The following ZNF695 variants were observed in gnomAD, a reference collection of about 807,000 sequenced individuals.
ZNF695 encodes the protein zinc finger protein 695.
ZNF695 carries 11 observed loss-of-function variants against 11.2 expected under a neutral mutation model. The ratio of observed to expected loss-of-function variants is 0.98; its 90% CI spans 0.62 to 1.62. The LOEUF (loss-of-function observed/expected upper bound fraction) is 1.62, where lower values mean the gene tolerates loss of function less well. ZNF695 is among the 40% of genes most tolerant of loss of function. The pLI, the probability that ZNF695 is intolerant of heterozygous loss-of-function variation, is 0.00. For missense variants in ZNF695, 559 were observed against 590.5 expected, an observed-to-expected ratio of 0.95 and a Z score of 0.55; for synonymous variants, 190 against 201.4, an observed-to-expected ratio of 0.94 and a Z score of 0.48.
chr1:247,006,456 C>T (rs1669543665), intron 1 of ZNF695, among the ~76,000 whole-genome samples: 1 of 151,820 alleles, frequency 6.6e-6, no homozygotes, highest in Admixed American at 6.6e-5. Flanking sequence ...ACTAAAAATA[C>T]AAAAATTAGC....
intron 3 of ZNF695, 38 bp downstream of exon 3, chr1:246,999,309 CA>C (rs1558320306): frequency 1.3e-6 from 2 of 1,522,476 alleles, no homozygotes; most frequent in East Asian, 4.5e-5. Flanking sequence ...CTTGATCCTT[CA>C]ACCCCTACCT....
intron 4 of ZNF695, among the ~76,000 whole-genome samples, chr1:246,977,397 C>G (rs990152068): frequency 6.6e-6 from 1 of 152,188 alleles, no homozygotes; most frequent in Non-Finnish European, 1.5e-5. Flanking sequence ...GCTGAGACTA[C>G]GGGTGCCCGC....
chr1:246,994,497 C>A (rs1480110826), intron 3 of ZNF695, among the ~76,000 whole-genome samples: 2 of 151,290 alleles, frequency 1.3e-5, no homozygotes, highest in African/African-American at 4.9e-5. Context: ...GCCGAGATCA[C>A]GCCACTCCAC....
chr1:247,007,024 C>G (rs1179044338), intron 1 of ZNF695, among the ~76,000 whole-genome samples: 1 of 152,146 alleles, frequency 6.6e-6, no homozygotes, highest in Non-Finnish European at 1.5e-5. Flanking sequence ...CCTGGACAGT[C>G]CAAATAAGGT....
chr1:246,946,460 A>G (rs1667738088), intron 5 of ZNF695, among the ~76,000 whole-genome samples: 1 of 152,092 alleles, frequency 6.6e-6, no homozygotes, highest in African/African-American at 2.4e-5. Context: ...TCGGACTTTT[A>G]CTTATTTCCT....
intron 5 of ZNF695, among the ~76,000 whole-genome samples, chr1:246,951,309 C>T (rs1314269671): frequency 6.6e-6 from 1 of 152,062 alleles, no homozygotes. Flanking sequence ...TTAATTAAGT[C>T]GTCATGCTGG....
chr1:246,999,356 C>T lies in ZNF695; in HGVS notation c.251G>A (p.Arg84Lys), dbSNP rs2642973. The T allele has an allele frequency of 0.82, 1,325,629 of 1,612,322 alleles. 547,999 individuals are homozygous for T. The highest frequency in any genetic ancestry group is 0.98 in the East Asian group (43,785 of 44,864). Residue 84 changes from arginine to lysine, a missense_variant, in exon 3 of 4, where the codon AGA (arginine) becomes AAA (lysine). Arg to Lys is a conservative substitution (Grantham distance 26, BLOSUM62 2). Transcript: ENST00000339986. ...PWNVNTEKTA[R>K]HSVLSSYLTE... The stretch of plus-strand genomic sequence containing the variant: ...CATTCACTCCCACCTACCTGAGTGT[C>T]TGGCTGTCTTCTCTGTGTTCACGTT...
intron 3 of ZNF695, among the ~76,000 whole-genome samples, chr1:246,990,193 AAG>A (rs1214701832): frequency 5.0e-5 from 2 of 39,720 alleles, no homozygotes; most frequent in Non-Finnish European, 1.2e-4. Flanking sequence ...AAGGAAGGAA[AAG>A]AGAAAGAGAG....
At chr1:246,963,003 G>A (rs1668201066) in intron 5 of ZNF695, among the ~76,000 whole-genome samples, 1 of 152,122 alleles carries the variant, frequency 6.6e-6, no homozygotes, top group African/African-American at 2.4e-5. Context: ...ATTCCTCGCT[G>A]CCTTTAGGCT....
chr1:246,966,184 T>G (rs1013999216), intron 5 of ZNF695, among the ~76,000 whole-genome samples: 1 of 151,862 alleles, frequency 6.6e-6, no homozygotes, highest in Non-Finnish European at 1.5e-5. Context: ...AGTGAGCAAG[T>G]GAGAGAATAA....
chr1:246,982,632 C>T (rs1373396196), downstream of ZNF695, among the ~76,000 whole-genome samples: 1 of 152,180 alleles, frequency 6.6e-6, no homozygotes, highest in Non-Finnish European at 1.5e-5. Flanking sequence ...GCTAACTGCC[C>T]GATTTAATTC....
chr1:247,007,747 G>A (rs544918091), intron 1 of ZNF695, among the ~76,000 whole-genome samples, 159 bp downstream of exon 1: 1 of 152,170 alleles, frequency 6.6e-6, no homozygotes, highest in East Asian at 2.0e-4. Context: ...CACCTGCGCG[G>A]GACGGGACTG....
In ZNF695 at chr1:246,986,699, A is replaced by T; in HGVS notation, c.*268T>A. 1 of 1,134,496 alleles carries T rather than the reference A, an allele frequency of 8.8e-7. No homozygotes were observed. The highest frequency in any genetic ancestry group is 1.1e-6 in the Non-Finnish European group (1 of 925,506). The allele number at this position is 1,134,496 out of a possible 1,614,324, so 70.3% of individuals were successfully genotyped here. On this transcript the variant is annotated 3_prime_UTR_variant, in exon 4 of 4. Coordinates refer to ENST00000339986, the MANE Select transcript of ZNF695 (RefSeq NM_020394.5). ...TCCAATACAAAGTCTTTGAAATTGA[A>T]TACAGTTTGAGCAACTGGAGGGTTT...
chr1:246,967,166 G>A (rs971633116), intron 5 of ZNF695, among the ~76,000 whole-genome samples: 13 of 152,130 alleles, frequency 8.5e-5, no homozygotes, highest in African/African-American at 2.4e-4. Context: ...TCGAACTCCC[G>A]ACCTCAGGTG....
chr1:246,993,190 C>T (rs1669090806), intron 3 of ZNF695, among the ~76,000 whole-genome samples: 1 of 152,044 alleles, frequency 6.6e-6, no homozygotes, highest in Non-Finnish European at 1.5e-5. Flanking sequence ...TGGCAGATCA[C>T]GAGGTCAGAT....
At chr1:246,958,274 G>T (rs185931026) in intron 5 of ZNF695, among the ~76,000 whole-genome samples, 6 of 152,100 alleles carry the variant, frequency 3.9e-5, no homozygotes, top group Admixed American at 3.9e-4. Context: ...TAGCCAGGAT[G>T]TTCTTGATCT....
At chr1:246,998,365 A>G (rs1446837277) in intron 3 of ZNF695, among the ~76,000 whole-genome samples, 3 of 152,386 alleles carry the variant, frequency 2.0e-5, no homozygotes, top group Non-Finnish European at 2.9e-5. Context: ...CTAGGATATG[A>G]GTAGATATAT....
At chr1:246,971,145 A>G (rs2103012189) in intron 4 of ZNF695, among the ~76,000 whole-genome samples, 1 of 152,298 alleles carries the variant, frequency 6.6e-6, no homozygotes, top group African/African-American at 2.4e-5. Context: ...GCCATCTCCA[A>G]TGATAGGTAA....
At chr1:246,988,405 T>C (rs755206620) in intron 3 of ZNF695, 150 bp from the exon 4 acceptor site, 3 of 585,756 alleles carry the variant, frequency 5.1e-6, no homozygotes, top group Non-Finnish European at 5.4e-6. Context: ...CTAACAAAAA[T>C]ATACTAAGCA....
Sources: gnomAD v4.1 joint callset for allele counts (sites outside exome capture counted in the v4.1 genomes callset) on GRCh38, gnomAD v4.1.1 for gene constraint, MANE v1.5 for transcripts, NCBI Gene and HGNC (gene_info 2026-07-23, HGNC 2026-07-21) for gene names.